TTC3: variants seen among roughly 807,000 people sequenced by gnomAD.
TTC3 encodes E3 ubiquitin-protein ligase TTC3.
TTC3 carries 180 observed loss-of-function variants against 249.6 expected under a neutral mutation model. The ratio of observed to expected loss-of-function variants is 0.72; its 90% CI spans 0.64 to 0.82. TTC3 has a LOEUF of 0.82. Among genes scored for constraint, TTC3 ranks in the 40% least tolerant of loss-of-function variants. The pLI is 0.00. For missense variants in TTC3, 2,061 were observed against 2,398.4 expected (o/e 0.86, Z 2.94); for synonymous variants, 717 against 805.0 (o/e 0.89, Z 1.85).
chr21:37,077,143 A>G (rs2071005030), intron 1 of TTC3, among the ~76,000 whole-genome samples: 2 of 151,802 alleles, frequency 1.3e-5, no homozygotes, highest in South Asian at 4.2e-4. Context: ...GGCCAACCAT[A>G]TGCTGGTAAT....
In TTC3 at chr21:37,138,729, A is replaced by C. The variant is rs1297814554; in HGVS notation, c.1659+15A>C. 6.4e-7 allele frequency: 1 copy of C among 1,565,350 alleles called. No homozygotes were observed. The highest frequency in any genetic ancestry group is 1.7e-5 in the Admixed American group (1 of 58,594). Reference sequence around the variant, plus strand: ...GACAGCCTGAGGTAAGATTTGTAACAGTGGTAATAAACAATTAAAATGATA... The same window carrying C: ...GACAGCCTGAGGTAAGATTTGTAACCGTGGTAATAAACAATTAAAATGATA... On this transcript the variant is annotated intron_variant, in intron 19 of 45. Coordinates refer to ENST00000355666, the Ensembl canonical transcript of TTC3.
rs547618194 is a variant in TTC3, at chr21:37,173,822, T to C, written c.4617+1078T>C. Among the ~76,000 whole-genome samples the C allele has an allele frequency of 2.6e-5, 4 of 152,304 alleles. No individual in the cohort carries two copies. In the South Asian group the frequency reaches 8.3e-4, roughly 32 times the overall value. On this transcript the variant is annotated intron_variant, in intron 35 of 45. Coordinates refer to ENST00000355666, the Ensembl canonical transcript of TTC3. ...GAGTCTAAGGACAAGAAGAATTAGA[T>C]AGATCCTGAGACTTTACTCAGTTTC... is the stretch of plus-strand genomic sequence containing the variant.
At chr21:37,124,847 C>A in intron 14 of TTC3, 105 bp downstream of exon 14, 5 of 1,098,432 alleles carry the variant, frequency 4.6e-6, no homozygotes, top group Non-Finnish European at 3.9e-6. Flanking sequence ...CGATTTGAAC[C>A]CTTTTTGCCT....
At chr21:37,119,205 A>G (rs2076393380) in intron 11 of TTC3, among the ~76,000 whole-genome samples, 1 of 152,074 alleles carries the variant, frequency 6.6e-6, no homozygotes, top group Non-Finnish European at 1.5e-5. Flanking sequence ...TTAATTCTTC[A>G]AGGTTTTAAG....
intron 13 of TTC3, 42 bp downstream of exon 13, chr21:37,123,070 G>A (rs767142271): frequency 1.3e-6 from 2 of 1,594,120 alleles, no homozygotes; most frequent in African/African-American, 2.7e-5. Flanking sequence ...ACTAGGAATG[G>A]CTTTGCTGCA....
Position 37,156,648 on chromosome 21 carries a change from A to C in TTC3, c.2741-7A>C. The stretch of plus-strand genomic sequence containing the variant: ...CTCTTCTGATTTGGGTTTTGTTTTT[A>C]TTACAGGCTTAGATGCCACAGGAAC... On this transcript the variant is annotated splice_polypyrimidine_tract_variant and splice_region_variant and intron_variant, in intron 27 of 45. Transcript: ENST00000355666. 6.3e-7 allele frequency: 1 copy of C among 1,593,434 alleles called. No individual in the cohort carries two copies. The highest frequency in any genetic ancestry group is 8.5e-7 in the Non-Finnish European group (1 of 1,171,270).
intron 16 of TTC3, among the ~76,000 whole-genome samples, chr21:37,130,642 G>A (rs1249710919): frequency 6.6e-6 from 1 of 152,026 alleles, no homozygotes; most frequent in Non-Finnish European, 1.5e-5. Flanking sequence ...AATATCTTGT[G>A]TTTCTTCCCA....
At chr21:37,135,699 G>C (rs2077871478) in intron 18 of TTC3, among the ~76,000 whole-genome samples, 185 bp downstream of exon 18, 1 of 152,180 alleles carries the variant, frequency 6.6e-6, no homozygotes. Flanking sequence ...TGTTCAGTAT[G>C]TGATCCATGT....
Position 37,103,962 on chromosome 21 carries a change from T to A in TTC3, c.846-4430T>A, listed in dbSNP as rs541878709. On this transcript the variant is annotated intron_variant, in intron 10 of 45. Coordinates refer to ENST00000355666, the Ensembl canonical transcript of TTC3. ...GCATGATTAGCACTTAAAAAAAAAATTTGAGCATAGTGAAAATGGATCTGA... is the reference window on the plus strand; with the variant it reads ...GCATGATTAGCACTTAAAAAAAAAAATTGAGCATAGTGAAAATGGATCTGA... 1.5e-3 allele frequency among the ~76,000 whole-genome samples: 223 copies of A among 151,954 alleles called. 2 individuals carry two copies. Among genetic ancestry groups the A allele is most frequent in the African/African-American group, 4.9e-3 (202 of 41,458 alleles).
chr21:37,147,374 A>C (rs562912014), intron 21 of TTC3, 107 bp from the exon 22 acceptor site: 83 of 1,107,978 alleles, frequency 7.5e-5, no homozygotes, highest in Admixed American at 4.2e-4. Flanking sequence ...AAATTTAGTC[A>C]TTCTTATGCT....
chr21:37,195,304 C>T (rs2084756700), intron 41 of TTC3, among the ~76,000 whole-genome samples: 1 of 152,044 alleles, frequency 6.6e-6, no homozygotes, highest in Non-Finnish European at 1.5e-5. Flanking sequence ...GGAGACAGCT[C>T]TGGGGAGTGT....
chr21:37,168,780 A>AGG (rs1362608589), intron 34 of TTC3, among the ~76,000 whole-genome samples: 4 of 152,102 alleles, frequency 2.6e-5, no homozygotes, highest in African/African-American at 9.7e-5. Context: ...AAATCTCACA[A>AGG]TTTCGCTAAG....
At chr21:37,079,897 A>G (rs911211133) in intron 1 of TTC3, among the ~76,000 whole-genome samples, 2 of 151,974 alleles carry the variant, frequency 1.3e-5, no homozygotes, top group Non-Finnish European at 2.9e-5. Flanking sequence ...TCTCATGTTG[A>G]ATATTATTTA....
At chr21:37,191,879 G>A (rs1031596035) in intron 40 of TTC3, among the ~76,000 whole-genome samples, 8 of 152,262 alleles carry the variant, frequency 5.3e-5, no homozygotes, top group South Asian at 2.1e-4. Context: ...GTGAGCCACC[G>A]CGCCCAGCCG....
chr21:37,144,394 C>A, intron 20 of TTC3, 131 bp from the exon 21 acceptor site: 1 of 1,074,228 alleles, frequency 9.3e-7, no homozygotes, highest in African/African-American at 1.6e-5. Flanking sequence ...ATTTAGGTTA[C>A]ATTGAATATT....
chr21:37,074,240 G>T (rs918783618), intron 1 of TTC3, among the ~76,000 whole-genome samples: 1 of 152,246 alleles, frequency 6.6e-6, no homozygotes, highest in East Asian at 1.9e-4. Context: ...AATGGGAAGG[G>T]GGGTGGACAG....
intron 35 of TTC3, among the ~76,000 whole-genome samples, chr21:37,177,958 A>G (rs2082418386): frequency 6.6e-6 from 1 of 152,138 alleles, no homozygotes; most frequent in Non-Finnish European, 1.5e-5. Context: ...TCTTATACTC[A>G]CTAGCTGTCA....
intron 7 of TTC3, 85 bp downstream of exon 7, chr21:37,091,498 AT>A: frequency 3.2e-6 from 4 of 1,254,942 alleles, no homozygotes; most frequent in Non-Finnish European, 3.2e-6. Flanking sequence ...GTGATTTCTG[AT>A]TTATCTTAGA....
intron 19 of TTC3, among the ~76,000 whole-genome samples, chr21:37,140,032 T>C (rs2078292984): frequency 6.6e-6 from 1 of 152,102 alleles, no homozygotes; most frequent in Non-Finnish European, 1.5e-5. Flanking sequence ...AACTTAGTGG[T>C]TTTTCACTGT....
Sources: allele counts gnomAD v4.1 joint callset (sites outside exome capture counted in the v4.1 genomes callset), GRCh38; gene constraint gnomAD v4.1.1; transcripts MANE v1.5; gene names NCBI Gene and HGNC (gene_info 2026-07-23, HGNC 2026-07-21).